The following CALCOCO2 variants were observed in gnomAD, a reference collection of about 807,000 sequenced individuals.
CALCOCO2 encodes the protein calcium binding and coiled-coil domain 2, also known as calcium-binding and coiled-coil domain-containing protein 2.
CALCOCO2 carries 42 observed loss-of-function variants against 62.5 expected under a neutral mutation model. The observed-to-expected ratio is 0.67, with a 90% CI of 0.53 to 0.87. The LOEUF is 0.87. CALCOCO2 is among the 40% of genes least tolerant of loss of function. The pLI is 0.00. For synonymous variants in CALCOCO2, 167 were observed against 173.0 expected, an observed-to-expected ratio of 0.97 and a Z score of 0.27; for missense variants, 456 against 515.0, an observed-to-expected ratio of 0.89 and a Z score of 1.11.
chr17:48,840,120 T>C (rs1393367150), intron 1 of CALCOCO2, among the ~76,000 whole-genome samples: 1 of 152,054 alleles, frequency 6.6e-6, no homozygotes, highest in East Asian at 1.9e-4. Context: ...TATTTCGTTG[T>C]TGTTGTTGTT....
chr17:48,840,330 C>T (rs1382945995), intron 1 of CALCOCO2, among the ~76,000 whole-genome samples: 1 of 151,958 alleles, frequency 6.6e-6, no homozygotes, highest in African/African-American at 2.4e-5. Context: ...GGGGTTTTGC[C>T]ATGTTGCCCA....
At chr17:48,858,207 C>T (rs930331635) in intron 10 of CALCOCO2, among the ~76,000 whole-genome samples, 1 of 151,944 alleles carries the variant, frequency 6.6e-6, no homozygotes, top group East Asian at 1.9e-4. Context: ...TTAATTCTCC[C>T]TCACTTTCTA....
At chr17:48,831,726 A>G (rs949772394) in intron 1 of CALCOCO2, 9 of 151,846 alleles carry the variant, frequency 5.9e-5, no homozygotes, top group African/African-American at 2.2e-4. Flanking sequence ...TATTATTTCA[A>G]CCCCACTGGA....
chr17:48,840,786 T>C (rs2039965656), intron 1 of CALCOCO2, among the ~76,000 whole-genome samples: 1 of 152,128 alleles, frequency 6.6e-6, no homozygotes, highest in Admixed American at 6.5e-5. Context: ...TACTCCTCTA[T>C]CCTCTCTATT....
chr17:48,848,114 GC>G lies in CALCOCO2; in HGVS notation c.234del (p.Ile79LeufsTer3). On this transcript the variant is annotated frameshift_variant, in exon 3 of 13. Coordinates refer to ENST00000258947, the MANE Select transcript of CALCOCO2 (RefSeq NM_005831.5). LOFTEE classifies it high-confidence loss of function. The stretch of plus-strand genomic sequence containing the variant: ...ATTACACCTTCATGTGGGTTACTTT[GC>G]CCATTGACCTAAACAACAAATCAGC... ...EYYTFMWVTL[P>X]IDLNNKSAKQ... 6.2e-7 allele frequency: 1 copy of G among 1,613,654 alleles called. No individual in the cohort carries two copies.
rs576362025 is a variant in CALCOCO2 at position 48,862,555 on chromosome 17, C to A, written c.1173+251C>A. ...TTGGTAGCATAAGTAGGGAGGAGAT[C>A]TGAACCAGGCAGCTAGCCAAACAAG... is the stretch of plus-strand genomic sequence containing the variant. On this transcript the variant is annotated intron_variant, in intron 12 of 12. Transcript: ENST00000258947. 3.9e-5 allele frequency among the ~76,000 whole-genome samples: 6 copies of A among 152,332 alleles called. No homozygotes were observed. In the East Asian group the frequency reaches 1.2e-3, roughly 29 times the overall value.
rs2039973903 is a variant in CALCOCO2, at chr17:48,841,512, A to G, written c.-10-186A>G. ...GATATTGTCAGAAAATTCTCGTAGCATAGGAAGTTGTGACTGAGATGGCTC... is the reference window on the plus strand; with the variant it reads ...GATATTGTCAGAAAATTCTCGTAGCGTAGGAAGTTGTGACTGAGATGGCTC... On this transcript the variant is annotated intron_variant, in intron 1 of 12. Coordinates refer to ENST00000258947, the MANE Select transcript of CALCOCO2 (RefSeq NM_005831.5). 6 of 473,540 alleles carry G rather than the reference A, an allele frequency of 1.3e-5. No homozygotes were observed. In the South Asian group the frequency reaches 2.2e-4, roughly 17 times the overall value. 29.3% of individuals were successfully genotyped at this position (473,540 alleles called of 1,614,324 possible).
intron 5 of CALCOCO2, among the ~76,000 whole-genome samples, chr17:48,850,344 C>A (rs1176994158): frequency 6.6e-6 from 1 of 151,960 alleles, no homozygotes; most frequent in Admixed American, 6.6e-5. Context: ...GTAATCCCGG[C>A]TACTCAGGAG....
chr17:48,852,780 T>C, intron 8 of CALCOCO2, 146 bp from the exon 9 acceptor site: 1 of 972,816 alleles, frequency 1.0e-6, no homozygotes, highest in South Asian at 1.5e-5. Context: ...ATGAGATAGC[T>C]CATGGCTTTC....
At chr17:48,858,834 C>T (rs1340597733) in intron 10 of CALCOCO2, among the ~76,000 whole-genome samples, 1 of 151,554 alleles carries the variant, frequency 6.6e-6, no homozygotes, top group Non-Finnish European at 1.5e-5. Context: ...GCGGGTGGAT[C>T]ACGAGGTCAG....
intron 4 of CALCOCO2, 111 bp downstream of exon 4, chr17:48,848,566 GA>G: frequency 1.0e-6 from 1 of 984,932 alleles, no homozygotes; most frequent in Non-Finnish European, 1.6e-6. Context: ...GGTATCATTG[GA>G]AAAAATGTAT....
Position 48,862,831 on chromosome 17 carries a change from C to T in CALCOCO2, c.1174-7C>T. The T allele has an allele frequency of 1.2e-6, 2 of 1,613,528 alleles. No individual in the cohort carries two copies. The highest frequency in any genetic ancestry group is 1.7e-5 in the Admixed American group (1 of 60,014). On this transcript the variant is annotated splice_polypyrimidine_tract_variant and splice_region_variant and intron_variant, in intron 12 of 12. Coordinates refer to ENST00000258947, the MANE Select transcript of CALCOCO2 (RefSeq NM_005831.5). ...ATTTGTACTGACCTCTTTGCTCTTC[C>T]TCCCAGCTCTCCATCAAGAAATGCC...
rs1567758982 is a variant in CALCOCO2 at position 48,857,978 on chromosome 17, A to AATTGAATTGAATTGAATT, written c.1008+1791_1008+1792insATTGAATTGAATTGAATT. The stretch of plus-strand genomic sequence containing the variant: ...GCTGACAGAGCAAGACTACATCAAT[A>AATTGAATTGAATTGAATT]GAATAGAATAGAATAGAATAGAATA... On this transcript the variant is annotated intron_variant, in intron 10 of 12. Coordinates refer to ENST00000258947, the MANE Select transcript of CALCOCO2 (RefSeq NM_005831.5). Among the ~76,000 whole-genome samples, 10 of 23,838 alleles carry AATTGAATTGAATTGAATT rather than the reference A, an allele frequency of 4.2e-4. 1 individual carries two copies. The South Asian group carries it at 7.7e-3, about 18-fold the overall frequency. The allele number at this position is 23,838 out of a possible 152,430, so 15.6% of individuals were successfully genotyped here.
rs766494137 is a variant in CALCOCO2 at position 48,841,858 on chromosome 17, C to T, written c.151C>T (p.Arg51Cys). 7 of 1,612,276 alleles carry T rather than the reference C, an allele frequency of 4.3e-6. No individual in the cohort carries two copies. Among genetic ancestry groups the T allele is most frequent in the Non-Finnish European group, 5.9e-6 (7 of 1,179,096 alleles). The change falls in exon 2 of 13, where the codon CGT (arginine) becomes TGT (cysteine). Residue 51 changes from arginine (R) to cysteine (C), a missense_variant. Physicochemically the swap from Arg to Cys is radical, Grantham distance 180. Around this residue, in one of 3 missense-constraint regions of CALCOCO2, gnomAD observed 48 missense variants for 79.3 expected, o/e 0.61. Transcript: ENST00000258947. ...HYTFTQHFIP[R>C]RKDWIGIFRV... ...TACCTTCACCCAGCATTTCATCCCT[C>T]GTCGAAAGGATTGGATTGGCATCTT...
At chr17:48,852,670 G>A (rs1279977298) in intron 8 of CALCOCO2, 42 bp downstream of exon 8, 2 of 1,569,198 alleles carry the variant, frequency 1.3e-6, no homozygotes, top group Admixed American at 1.8e-5. Context: ...GCATTTGCAA[G>A]AAAATATACG....
At position 48,863,029 on chromosome 17, in the gene CALCOCO2, ACAGAGATTTTATAGAATAGAAC is replaced by A; in HGVS notation, c.*26_*47del. On this transcript the variant is annotated 3_prime_UTR_variant, in exon 13 of 13. Coordinates refer to ENST00000258947, the MANE Select transcript of CALCOCO2 (RefSeq NM_005831.5). ...GAGTATCCCAACCTCTTGGATGTATACAGAGATTTTATAGAATAGAACCTATAGCTTCTACCATGAGTTATAT... is the reference window on the plus strand; with the variant it reads ...GAGTATCCCAACCTCTTGGATGTATACTATAGCTTCTACCATGAGTTATAT... 1.3e-6 allele frequency: 2 copies of A among 1,554,058 alleles called. No homozygotes were observed. Among genetic ancestry groups the A allele is most frequent in the Admixed American group, 3.3e-5 (2 of 59,926 alleles).
chr17:48,855,943 C>A (rs1051362447), intron 9 of CALCOCO2, 149 bp from the exon 10 acceptor site: 10 of 401,438 alleles, frequency 2.5e-5, no homozygotes, highest in Non-Finnish European at 4.1e-5. Flanking sequence ...TAATTTAGCA[C>A]CCTGCCCATA....
chr17:48,836,029 G>T (rs985045157), intron 1 of CALCOCO2, among the ~76,000 whole-genome samples: 1 of 152,158 alleles, frequency 6.6e-6, no homozygotes, highest in African/African-American at 2.4e-5. Context: ...GGGATTACAG[G>T]TGTGAGCCAC....
At chr17:48,857,524 A>T (rs1399260458) in intron 10 of CALCOCO2, among the ~76,000 whole-genome samples, 1 of 10,632 alleles carries the variant, frequency 9.4e-5, no homozygotes, top group Non-Finnish European at 5.7e-4. Flanking sequence ...TTTTTTTGAG[A>T]CGGAGTCTCA....
Sources: gnomAD v4.1 joint callset for allele counts (sites outside exome capture counted in the v4.1 genomes callset) on GRCh38, gnomAD v4.1.1 for gene constraint, gnomAD v4.1.1 regional missense constraint, MANE v1.5 for transcripts, NCBI Gene and HGNC (gene_info 2026-07-23, HGNC 2026-07-21) for gene names.